Variants in CFHR5 observed in about 807,000 individuals in gnomAD.
CFHR5 encodes the protein complement factor H-related protein 5.
CFHR5 carries 73 observed loss-of-function variants against 62.9 expected under a neutral mutation model. That is an observed-to-expected ratio of 1.16 (90% CI 0.96 to 1.41). The LOEUF (loss-of-function observed/expected upper bound fraction) is 1.41, where lower values mean the gene tolerates loss of function less well. Among genes scored for constraint, CFHR5 ranks in the 40% most tolerant of loss-of-function variants. The pLI is 0.00. For synonymous variants in CFHR5, 249 were observed against 227.2 expected (o/e 1.10, Z -0.86); for missense variants, 779 against 679.9 (o/e 1.15, Z -1.62).
At chr1:196,990,064 C>T (rs1653804313) in intron 3 of CFHR5, among the ~76,000 whole-genome samples, 1 of 152,086 alleles carries the variant, frequency 6.6e-6, no homozygotes, top group African/African-American at 2.4e-5. Context: ...CTGTTGGGTG[C>T]ATATATATTT....
At chr1:197,004,186 A>G (rs1654227111) in intron 8 of CFHR5, among the ~76,000 whole-genome samples, 1 of 152,142 alleles carries the variant, frequency 6.6e-6, no homozygotes, top group Non-Finnish European at 1.5e-5. Flanking sequence ...ACATTTATTG[A>G]TAGGGAAAGA....
chr1:196,999,139 A>G (rs116361642), intron 7 of CFHR5, among the ~76,000 whole-genome samples: 2,053 of 152,084 alleles, frequency 0.013, 44 homozygotes, highest in African/African-American at 0.045. Flanking sequence ...ATACTAATTT[A>G]TAGCAAAAAG....
intron 3 of CFHR5, among the ~76,000 whole-genome samples, chr1:196,987,277 G>T (rs1653715998): frequency 6.6e-6 from 1 of 151,962 alleles, no homozygotes; most frequent in South Asian, 2.1e-4. Context: ...TATCAGATGG[G>T]TAGATTGCAA....
intron 6 of CFHR5, among the ~76,000 whole-genome samples, chr1:196,996,975 A>AT (rs960923251): frequency 1.4e-4 from 22 of 151,764 alleles, no homozygotes; most frequent in Middle Eastern, 3.4e-3. Context: ...ACTTGCAGGT[A>AT]TTTTTTTTCC....
intron 3 of CFHR5, among the ~76,000 whole-genome samples, chr1:196,984,532 T>C (rs2125027812): frequency 6.6e-6 from 1 of 152,198 alleles, no homozygotes; most frequent in Non-Finnish European, 1.5e-5. Flanking sequence ...TATGCTTGAG[T>C]CAATAAATCA....
chr1:197,009,093 G>A lies in CFHR5; in HGVS notation c.*410G>A, dbSNP rs1654369877. 2.0e-5 allele frequency: 3 copies of A among 147,676 alleles called. No homozygotes were observed. The highest frequency in any genetic ancestry group is 2.0e-4 in the South Asian group (1 of 5,002). The allele number at this position is 147,676 out of a possible 1,614,324, so 9.1% of individuals were successfully genotyped here. On this transcript the variant is annotated 3_prime_UTR_variant, in exon 10 of 10. Transcript: ENST00000256785. ...AAAGAGCATGTACATGGGAGTGAGA[G>A]AAAAAGAGAGAGAGAGACAGAGTGG...
intron 9 of CFHR5, among the ~76,000 whole-genome samples, chr1:197,007,136 A>C (rs1654310574): frequency 6.6e-6 from 1 of 151,946 alleles, no homozygotes; most frequent in South Asian, 2.1e-4. Context: ...CGCCCGGCCC[A>C]ATGTAGTATT....
chr1:196,997,977 T>C (rs1654038172), intron 6 of CFHR5, 151 bp from the exon 7 acceptor site: 3 of 518,060 alleles, frequency 5.8e-6, no homozygotes, highest in Non-Finnish European at 3.3e-6. Context: ...TTATTTTTTC[T>C]TTTTCCAACA....
intron 7 of CFHR5, among the ~76,000 whole-genome samples, chr1:196,998,572 A>G (rs1303890122): frequency 1.3e-5 from 2 of 151,984 alleles, no homozygotes; most frequent in African/African-American, 4.8e-5. Context: ...AAAGAACTGT[A>G]AAAAAAGAAC....
chr1:196,986,140 G>A (rs1196277521), intron 3 of CFHR5, among the ~76,000 whole-genome samples: 1 of 152,074 alleles, frequency 6.6e-6, no homozygotes, highest in Non-Finnish European at 1.5e-5. Flanking sequence ...GGTAGCTCAC[G>A]AACACTGTGG....
At chr1:196,997,407 C>T (rs1292890072) in intron 6 of CFHR5, among the ~76,000 whole-genome samples, 1 of 152,088 alleles carries the variant, frequency 6.6e-6, no homozygotes, top group Non-Finnish European at 1.5e-5. Context: ...TTGCAGAAAA[C>T]ACCTGTAAGC....
At chr1:196,989,283 G>C (rs1471642983) in intron 3 of CFHR5, among the ~76,000 whole-genome samples, 1 of 151,880 alleles carries the variant, frequency 6.6e-6, no homozygotes, top group African/African-American at 2.4e-5. Flanking sequence ...AGTCTTGCTA[G>C]CAGTCTGTCT....
chr1:196,976,713 C>T (rs1200323216), upstream of CFHR5, among the ~76,000 whole-genome samples: 1 of 151,624 alleles, frequency 6.6e-6, no homozygotes, highest in Non-Finnish European at 1.5e-5. Context: ...CATAGCCATT[C>T]TCGAAGTCCC....
chr1:197,009,538 TA>T lies in CFHR5; in HGVS notation c.*860del, dbSNP rs1178171309. 6.6e-6 allele frequency: 1 copy of T among 152,220 alleles called. No individual in the cohort carries two copies. Among genetic ancestry groups the T allele is most frequent in the Non-Finnish European group, 1.5e-5 (1 of 68,030 alleles). The allele number at this position is 152,220 out of a possible 1,614,324, so 9.4% of individuals were successfully genotyped here. On this transcript the variant is annotated 3_prime_UTR_variant, in exon 10 of 10. Coordinates refer to ENST00000256785, the MANE Select transcript of CFHR5 (RefSeq NM_030787.4). The stretch of plus-strand genomic sequence containing the variant: ...TCTCTATCTTCATGTTATTATCACT[TA>T]AAAACCTGCGAAAGCTGTCAACTTT...
At chr1:196,996,603 G>A (rs533643390) in intron 6 of CFHR5, among the ~76,000 whole-genome samples, 2 of 152,198 alleles carry the variant, frequency 1.3e-5, no homozygotes, top group South Asian at 4.1e-4. Context: ...AAATGATGGC[G>A]ATTTAATTTC....
At chr1:196,990,995 G>C (rs1653832627) in intron 3 of CFHR5, among the ~76,000 whole-genome samples, 3 of 151,682 alleles carry the variant, frequency 2.0e-5, no homozygotes, top group African/African-American at 7.3e-5. Context: ...CTCACTTTCA[G>C]GTACAGCAAT....
intron 3 of CFHR5, among the ~76,000 whole-genome samples, chr1:196,985,965 T>C (rs1015383117): frequency 3.9e-5 from 6 of 152,350 alleles, no homozygotes; most frequent in African/African-American, 1.4e-4. Context: ...ACATATCTTA[T>C]TGTTCAAGTT....
At chr1:196,994,402 A>T in intron 4 of CFHR5, 146 bp downstream of exon 4, 1 of 683,798 alleles carries the variant, frequency 1.5e-6, no homozygotes, top group Admixed American at 2.6e-5. Flanking sequence ...ATAGTAATTG[A>T]GCTGCATAGA....
At chr1:196,982,776 T>TAATGAAA in intron 1 of CFHR5, 109 bp from the exon 2 acceptor site, 1 of 995,054 alleles carries the variant, frequency 1.0e-6, no homozygotes, top group East Asian at 2.5e-5. Context: ...CTAAAGGCAT[T>TAATGAAA]TAAGCTGAAT....
Sources: gnomAD v4.1 joint callset for allele counts (sites outside exome capture counted in the v4.1 genomes callset) on GRCh38, gnomAD v4.1.1 for gene constraint, MANE v1.5 for transcripts, NCBI Gene and HGNC (gene_info 2026-07-23, HGNC 2026-07-21) for gene names.